Variants in NXN observed in about 807,000 individuals in gnomAD.
NXN encodes the protein nucleoredoxin 1.
A neutral mutation model predicts 48.6 loss-of-function variants in NXN; 16 were observed. That is an observed-to-expected ratio of 0.33 (90% CI 0.22 to 0.50). The LOEUF (loss-of-function observed/expected upper bound fraction) is 0.50. NXN is among the 20% of genes least tolerant of loss of function. The probability of loss-of-function intolerance (pLI) is 0.98; values close to 1 mark genes in which losing one functional copy is unlikely to be tolerated. For missense variants in NXN, 492 were observed against 605.5 expected, an observed-to-expected ratio of 0.81 and a Z score of 1.97; for synonymous variants, 281 against 269.6, an observed-to-expected ratio of 1.04 and a Z score of -0.41.
chr17:954,637 G>A (rs898441362), intron 1 of NXN, among the ~76,000 whole-genome samples: 1 of 152,242 alleles, frequency 6.6e-6, no homozygotes, highest in Non-Finnish European at 1.5e-5. Flanking sequence ...CCGAGTGCCA[G>A]GTGCTCAGGT....
At chr17:972,343 G>C (rs1215292936) in intron 1 of NXN, among the ~76,000 whole-genome samples, 1 of 151,560 alleles carries the variant, frequency 6.6e-6, no homozygotes, top group African/African-American at 2.4e-5. Context: ...CAGGCGTGGT[G>C]GCTGGCGCCT....
chr17:880,086 AT>A (rs2068267074), intron 1 of NXN: 1 of 152,078 alleles, frequency 6.6e-6, no homozygotes. Context: ...GGAATTTAAA[AT>A]AAAAAAGTGA....
intron 1 of NXN, among the ~76,000 whole-genome samples, chr17:922,883 C>G (rs1455667912): frequency 1.3e-5 from 2 of 151,908 alleles, no homozygotes; most frequent in Non-Finnish European, 2.9e-5. Flanking sequence ...GATCTCCTGA[C>G]CTCATGATCC....
rs371113760 is a variant in NXN at position 979,401 on chromosome 17, G to A, written c.278C>T (p.Ser93Leu). 1.0e-4 allele frequency: 149 copies of A among 1,461,518 alleles called. No homozygotes were observed. Among genetic ancestry groups the A allele is most frequent in the Non-Finnish European group, 1.3e-4 (146 of 1,099,130 alleles). 90.5% of individuals were successfully genotyped at this position (1,461,518 alleles called of 1,614,324 possible). A position where few individuals can be genotyped will look rare whatever the true frequency, so the allele number is the denominator to read the frequency against. The change falls in exon 1 of 8, where the codon TCG becomes TTG. Residue 93 changes from serine to leucine, a missense_variant. Ser to Leu is a moderately radical substitution (Grantham distance 145). Coordinates refer to ENST00000336868, the MANE Select transcript of NXN (RefSeq NM_022463.5). The part of the protein sequence containing the change: ...RRRLEIVFVS[S>L]DQDQRQWQDF... ...CTGCCACTGCCGCTGGTCCTGGTCC[G>A]AGGACACGAAGACGATCTCCAGGCG...
At chr17:802,334 G>A (rs1010603802) in intron 7 of NXN, among the ~76,000 whole-genome samples, 43 of 152,194 alleles carry the variant, frequency 2.8e-4, no homozygotes, top group African/African-American at 1.0e-3. Context: ...CCAGCCAGAC[G>A]GGAGCCAGCA....
chr17:890,107 G>A (rs2068399663), intron 1 of NXN, among the ~76,000 whole-genome samples: 1 of 152,012 alleles, frequency 6.6e-6, no homozygotes, highest in Non-Finnish European at 1.5e-5. Context: ...TATCAAGCAT[G>A]CCGGCGTGAA....
In NXN at chr17:979,471, GC is replaced by G; in HGVS notation, c.207del (p.Pro70ArgfsTer66). ...RLRGDAAAGP[G>X]PGAGAGAAAE... Reference sequence around the variant, plus strand: ...GCCGCCGCCCCGGCCCCCGCTCCCGGCCCCGGCCCGGCCGCCGCGTCCCCCC... The same window carrying G: ...GCCGCCGCCCCGGCCCCCGCTCCCGGCCCGGCCCGGCCGCCGCGTCCCCCC... On this transcript the variant is annotated frameshift_variant, in exon 1 of 8. Coordinates refer to ENST00000336868, the MANE Select transcript of NXN (RefSeq NM_022463.5). LOFTEE classifies it high-confidence loss of function. 1 of 1,192,662 alleles carries G rather than the reference GC, an allele frequency of 8.4e-7. No homozygotes were observed. Among genetic ancestry groups the G allele is most frequent in the Non-Finnish European group, 1.0e-6 (1 of 961,790 alleles). 73.9% of individuals were successfully genotyped at this position (1,192,662 alleles called of 1,614,324 possible).
intron 1 of NXN, among the ~76,000 whole-genome samples, chr17:838,655 A>C (rs942459466): frequency 1.3e-5 from 2 of 152,246 alleles, no homozygotes; most frequent in African/African-American, 4.8e-5. Flanking sequence ...AAAAATATGA[A>C]GCAACAACCA....
At chr17:895,605 G>T (rs1313838593) in intron 1 of NXN, among the ~76,000 whole-genome samples, 1 of 150,008 alleles carries the variant, frequency 6.7e-6, no homozygotes, top group Non-Finnish European at 1.5e-5. Context: ...AGGGTCAGGA[G>T]ATCAAGACCA....
chr17:909,906 CAG>C (rs2068619562), intron 1 of NXN: 1 of 152,158 alleles, frequency 6.6e-6, no homozygotes, highest in African/African-American at 2.4e-5. Context: ...CAGCGCGTGA[CAG>C]AGGACAACGT....
At position 920,147 on chromosome 17, in the gene NXN, A is replaced by G. The variant is rs1240500801; in HGVS notation, c.360+59172T>C. The stretch of plus-strand genomic sequence containing the variant: ...ACTCCTGGGCTCAAGCGATCAGCCC[A>G]TCTCAGCCGCCCAAAGTGCTGGGAT... On this transcript the variant is annotated intron_variant, in intron 1 of 7. Coordinates refer to ENST00000336868, the MANE Select transcript of NXN (RefSeq NM_022463.5). This position sits in a 1 kb window ranked among gnomAD's most constrained non-coding sequence, Gnocchi z 4.6. Among the ~76,000 whole-genome samples, 1 of 151,960 alleles carries G rather than the reference A, an allele frequency of 6.6e-6. No individual in the cohort carries two copies. The highest frequency in any genetic ancestry group is 1.5e-5 in the Non-Finnish European group (1 of 67,980).
At chr17:843,904 G>C (rs2067829131) in intron 1 of NXN, among the ~76,000 whole-genome samples, 2 of 152,222 alleles carry the variant, frequency 1.3e-5, no homozygotes, top group South Asian at 4.1e-4. Context: ...GATCTTTCCA[G>C]AACCCGTGAG....
intron 1 of NXN, among the ~76,000 whole-genome samples, chr17:831,356 A>G (rs928447702): frequency 2.6e-5 from 4 of 152,158 alleles, no homozygotes; most frequent in Non-Finnish European, 4.4e-5. Flanking sequence ...GTTATATGCA[A>G]AAACTATGCC....
chr17:960,787 G>A (rs9674750), intron 1 of NXN, among the ~76,000 whole-genome samples: 77 of 146,142 alleles, frequency 5.3e-4, no homozygotes, highest in African/African-American at 1.8e-3. Context: ...CAATTAACTC[G>A]ATTTTTTTTT....
chr17:812,971 G>A lies in NXN; in HGVS notation c.820+6468C>T, dbSNP rs975014983. ...GTGAGTGTAGGTGTGCATGTTTGTA[G>A]GTGTGTGTGCACATGTGAATGTAGG... is the stretch of plus-strand genomic sequence containing the variant. On this transcript the variant is annotated intron_variant, in intron 5 of 7. Transcript: ENST00000336868. Among the ~76,000 whole-genome samples, 7 of 132,472 alleles carry A rather than the reference G, an allele frequency of 5.3e-5. No homozygotes were observed. In the Admixed American group the frequency reaches 5.4e-4, roughly 10 times the overall value. 86.9% of individuals were successfully genotyped at this position (132,472 alleles called of 152,430 possible).
At chr17:916,610 G>A (rs1428851600) in intron 1 of NXN, among the ~76,000 whole-genome samples, 1 of 152,178 alleles carries the variant, frequency 6.6e-6, no homozygotes, top group Non-Finnish European at 1.5e-5. Context: ...AGGGATCCCT[G>A]CAAAGCACTC....
In NXN at chr17:956,430, T is replaced by A. The variant is rs1014051049; in HGVS notation, c.360+22889A>T. 6.6e-6 allele frequency among the ~76,000 whole-genome samples: 1 copy of A among 152,176 alleles called. No homozygotes were observed. The highest frequency in any genetic ancestry group is 2.4e-5 in the African/African-American group (1 of 41,442). On this transcript the variant is annotated intron_variant, in intron 1 of 7. Transcript: ENST00000336868. The surrounding 1 kb of genome is among the most constrained non-coding windows in gnomAD (Gnocchi z 4.1). Reference sequence around the variant, plus strand: ...GCTTTTTATTTTTATTTATTTATTTTGAGACAGAGATTCTCTCTTGTCACC... The same window carrying A: ...GCTTTTTATTTTTATTTATTTATTTAGAGACAGAGATTCTCTCTTGTCACC...
chr17:888,811 T>G (rs1020127978), intron 1 of NXN, among the ~76,000 whole-genome samples: 10 of 151,614 alleles, frequency 6.6e-5, no homozygotes, highest in Non-Finnish European at 2.9e-5. Flanking sequence ...AAAAATTAGC[T>G]GGACATGGTG....
In NXN at chr17:958,329, C is replaced by T. The variant is rs1384911667; in HGVS notation, c.360+20990G>A. Among the ~76,000 whole-genome samples, 1 of 152,108 alleles carries T rather than the reference C, an allele frequency of 6.6e-6. No individual in the cohort carries two copies. Among genetic ancestry groups the T allele is most frequent in the Non-Finnish European group, 1.5e-5 (1 of 68,030 alleles). ...ATGCTAACGTGCTGACTGGGGCTAA[C>T]CCTACGCTAAAGCAAAGCCTTCAAA... On this transcript the variant is annotated intron_variant, in intron 1 of 7. Transcript: ENST00000336868. This position sits in a 1 kb window ranked among gnomAD's most constrained non-coding sequence, Gnocchi z 6.9.
Sources: gnomAD v4.1 joint callset for allele counts (sites outside exome capture counted in the v4.1 genomes callset) on GRCh38, gnomAD v4.1.1 for gene constraint, Gnocchi (gnomAD v3.1) non-coding constraint, MANE v1.5 for transcripts, NCBI Gene and HGNC (gene_info 2026-07-23, HGNC 2026-07-21) for gene names.